Variants in CPNE4 observed in about 807,000 individuals in gnomAD.
CPNE4 encodes the protein copine-4.
CPNE4 carries 25 observed loss-of-function variants against 67.9 expected under a neutral mutation model. The observed-to-expected ratio is 0.37, with a 90% CI of 0.27 to 0.51. The LOEUF is 0.51. Ranked by LOEUF, CPNE4 falls within the 20% of genes least tolerant of loss-of-function variation. The pLI is 0.93. For missense variants in CPNE4, 464 were observed against 690.8 expected (o/e 0.67, Z 3.68); for synonymous variants, 242 against 244.9 (o/e 0.99, Z 0.11).
chr3:131,535,061 AAAATCACC>A lies in CPNE4; in HGVS notation c.*126_*133del, dbSNP rs1935056747. ...TGCAAAAAAAATTGTCAGATAGTTA[AAAATCACC>A]AAAACGTGCTATTTTTAAATGTGTA... On this transcript the variant is annotated 3_prime_UTR_variant, in exon 16 of 16. Transcript: ENST00000429747. The A allele has an allele frequency of 4.1e-6, 4 of 969,798 alleles. No individual in the cohort carries two copies. Among genetic ancestry groups the A allele is most frequent in the Non-Finnish European group, 5.8e-6 (4 of 692,910 alleles). 60.1% of individuals were successfully genotyped at this position (969,798 alleles called of 1,614,324 possible).
At chr3:131,535,450 T>C in intron 15 of CPNE4, 121 bp from the exon 16 acceptor site, 2 of 987,592 alleles carry the variant, frequency 2.0e-6, no homozygotes, top group Non-Finnish European at 2.9e-6. Context: ...ATTCGTTATT[T>C]GTCAAGGGTC....
chr3:131,596,621 C>CAAAAAAAAAAAAA (rs58456346), intron 7 of CPNE4, among the ~76,000 whole-genome samples: 9 of 32,980 alleles, frequency 2.7e-4, no homozygotes, highest in Middle Eastern at 0.036. Flanking sequence ...GACTCCGTCT[C>CAAAAAAAAAAAAA]AAAAAAAAAA....
chr3:132,037,239 G>C (rs903101674), upstream of CPNE4, among the ~76,000 whole-genome samples: 4 of 152,170 alleles, frequency 2.6e-5, no homozygotes, highest in African/African-American at 9.7e-5. Context: ...TTTGCCAGCA[G>C]GCTTCAGCTC....
intron 1 of CPNE4, among the ~76,000 whole-genome samples, chr3:132,009,531 G>C (rs1035279463): frequency 1.3e-5 from 2 of 152,310 alleles, no homozygotes; most frequent in East Asian, 3.9e-4. Context: ...GAAGCTCCAG[G>C]TTCAAAGAGA....
Position 131,723,473 on chromosome 3 carries a change from A to C in CPNE4, c.333T>G (p.Leu111=). The change falls in exon 3 of 16, where the codon CTT becomes CTG. Residue 111 remains leucine, a synonymous_variant. Transcript: ENST00000429747. ...NHNGLKEADF[L]GGMECTLGQI... ...GGCCAAGTGTGCACTCCATGCCACC[A>C]AGGAAGTCGGCCTCCTTCAGCCCAT... 6.2e-7 allele frequency: 1 copy of C among 1,613,196 alleles called. No individual in the cohort carries two copies. The highest frequency in any genetic ancestry group is 8.5e-7 in the Non-Finnish European group (1 of 1,179,996).
chr3:131,795,164 G>A (rs371762392), intron 2 of CPNE4, among the ~76,000 whole-genome samples: 5 of 152,196 alleles, frequency 3.3e-5, no homozygotes, highest in South Asian at 4.2e-4. Context: ...AGCTCTTTCC[G>A]TCAGCACTTG....
chr3:131,866,661 A>G (rs2086965094), intron 2 of CPNE4, among the ~76,000 whole-genome samples: 1 of 152,204 alleles, frequency 6.6e-6, no homozygotes, highest in East Asian at 1.9e-4. Flanking sequence ...AAAATAAACA[A>G]TGGAATCGGG....
chr3:131,701,389 C>T (rs2081297020), intron 3 of CPNE4, among the ~76,000 whole-genome samples: 1 of 152,184 alleles, frequency 6.6e-6, no homozygotes, highest in African/African-American at 2.4e-5. Context: ...ATTCTCCCCT[C>T]AAGTGTGGGA....
chr3:131,813,234 A>G (rs926590311), intron 2 of CPNE4, among the ~76,000 whole-genome samples: 1 of 151,796 alleles, frequency 6.6e-6, no homozygotes, highest in East Asian at 1.9e-4. Flanking sequence ...TAAAATACAA[A>G]GAACAAAATT....
chr3:131,938,692 G>C (rs377718064), intron 1 of CPNE4, among the ~76,000 whole-genome samples: 1 of 151,974 alleles, frequency 6.6e-6, no homozygotes, highest in Non-Finnish European at 1.5e-5. Flanking sequence ...GCGAACTCCC[G>C]CACTATTAGG....
intron 1 of CPNE4, among the ~76,000 whole-genome samples, chr3:132,033,372 A>G (rs2074276675): frequency 6.7e-6 from 1 of 149,340 alleles, no homozygotes; most frequent in South Asian, 2.2e-4. Context: ...AGTCACTGAA[A>G]TCCTGTGAGA....
At chr3:132,002,382 T>G (rs1253241547) in intron 1 of CPNE4, among the ~76,000 whole-genome samples, 2 of 152,258 alleles carry the variant, frequency 1.3e-5, no homozygotes, top group Admixed American at 1.3e-4. Flanking sequence ...TGTAAGGAGT[T>G]GAACTCTGAT....
intron 1 of CPNE4, among the ~76,000 whole-genome samples, chr3:131,954,229 G>A (rs1354992397): frequency 6.6e-6 from 1 of 152,026 alleles, no homozygotes; most frequent in Non-Finnish European, 1.5e-5. Context: ...ATATGACATT[G>A]TATACTTTGA....
chr3:131,573,050 C>G (rs1365922312), intron 10 of CPNE4, among the ~76,000 whole-genome samples: 1 of 152,056 alleles, frequency 6.6e-6, no homozygotes, highest in Non-Finnish European at 1.5e-5. Flanking sequence ...AATGAGAAAG[C>G]TGACTTCATT....
At chr3:131,958,209 A>C (rs994086236) in intron 1 of CPNE4, among the ~76,000 whole-genome samples, 1 of 152,170 alleles carries the variant, frequency 6.6e-6, no homozygotes, top group Non-Finnish European at 1.5e-5. Flanking sequence ...CCTCACTGCA[A>C]CTCTGTGAAG....
chr3:131,762,526 A>T (rs1031368827), intron 2 of CPNE4, among the ~76,000 whole-genome samples: 2 of 152,034 alleles, frequency 1.3e-5, no homozygotes, highest in Non-Finnish European at 2.9e-5. Context: ...TGCCTACTGT[A>T]TACCGCATAT....
At chr3:131,956,691 T>C (rs2071984328) in intron 1 of CPNE4, among the ~76,000 whole-genome samples, 1 of 152,206 alleles carries the variant, frequency 6.6e-6, no homozygotes, top group South Asian at 2.1e-4. Context: ...ATATAAAGTG[T>C]GTCCTATCCA....
chr3:131,753,500 G>A (rs1237527487), intron 2 of CPNE4, among the ~76,000 whole-genome samples: 1 of 152,072 alleles, frequency 6.6e-6, no homozygotes, highest in Non-Finnish European at 1.5e-5. Flanking sequence ...GATACATGTA[G>A]AAGAAATTTA....
chr3:131,869,308 C>G (rs2087097516), intron 2 of CPNE4, among the ~76,000 whole-genome samples: 1 of 152,160 alleles, frequency 6.6e-6, no homozygotes, highest in Admixed American at 6.5e-5. Flanking sequence ...GTGTTGTGCT[C>G]TGACAGCCCT....
Sources: gnomAD v4.1 joint callset for allele counts (sites outside exome capture counted in the v4.1 genomes callset) on GRCh38, gnomAD v4.1.1 for gene constraint, MANE v1.5 for transcripts, NCBI Gene and HGNC (gene_info 2026-07-23, HGNC 2026-07-21) for gene names.